The following BMP1 variants were observed in gnomAD, a reference collection of about 807,000 sequenced individuals.
BMP1 encodes the protein mammalian tolloid protein.
BMP1 carries 63 observed loss-of-function variants against 116.8 expected under a neutral mutation model. The observed-to-expected ratio is 0.54, with a 90% CI of 0.44 to 0.67. The LOEUF (loss-of-function observed/expected upper bound fraction) is 0.67. Among genes scored for constraint, BMP1 ranks in the 30% least tolerant of loss-of-function variants. BMP1 has a pLI of 0.00. For missense variants in BMP1, 1,183 were observed against 1,358.9 expected (o/e 0.87, Z 2.04); for synonymous variants, 536 against 533.4 (o/e 1.00, Z -0.07).
chr8:22,201,278 C>T, intron 15 of BMP1: 2 of 1,535,144 alleles, frequency 1.3e-6, no homozygotes, highest in South Asian at 2.6e-5. Context: ...GGCTTCGGTG[C>T]CCACCAACCC....
intron 16 of BMP1, among the ~76,000 whole-genome samples, chr8:22,202,230 G>A (rs1187536730): frequency 2.6e-5 from 4 of 152,154 alleles, no homozygotes; most frequent in Non-Finnish European, 5.9e-5. Context: ...ACTTCCTACC[G>A]GCACAGAGGC....
chr8:22,199,528 C>T (rs921606449), intron 15 of BMP1: 2 of 857,476 alleles, frequency 2.3e-6, no homozygotes, highest in Admixed American at 8.8e-5. Context: ...TCACTTTCCC[C>T]CACTCATTCA....
chr8:22,180,558 G>C, intron 8 of BMP1, 75 bp downstream of exon 8: 1 of 1,394,496 alleles, frequency 7.2e-7, no homozygotes, highest in Non-Finnish European at 1.0e-6. Context: ...TCCCACAGTG[G>C]GGGTCAATAT....
chr8:22,168,430 A>G (rs1828178851), intron 1 of BMP1, among the ~76,000 whole-genome samples: 3 of 152,240 alleles, frequency 2.0e-5, no homozygotes, highest in South Asian at 2.1e-4. Flanking sequence ...GACACAGTTG[A>G]TCCCAAAATC....
Position 22,209,470 on chromosome 8 carries a change from C to T in BMP1, c.2601C>T (p.Asp867=), listed in dbSNP as rs766155962. The change falls in exon 19 of 20, where the codon GAC becomes GAT. Residue 867 remains aspartate, a synonymous_variant. Coordinates refer to ENST00000306385, the MANE Select transcript of BMP1 (RefSeq NM_006129.5). ...ATECGGQVRA[D]VKTKDLYSHA... ...AGTGCGGGGGCCAGGTACGGGCAGACGTGAAGACCAAGGACCTTTACTCCC... is the reference window on the plus strand; with the variant it reads ...AGTGCGGGGGCCAGGTACGGGCAGATGTGAAGACCAAGGACCTTTACTCCC... 30 of 1,614,052 alleles carry T rather than the reference C, an allele frequency of 1.9e-5. No homozygotes were observed. In the Admixed American group the frequency reaches 2.5e-4, roughly 13 times the overall value.
intron 15 of BMP1, among the ~76,000 whole-genome samples, chr8:22,199,611 G>T (rs1488991952): frequency 6.6e-6 from 1 of 152,224 alleles, no homozygotes; most frequent in African/African-American, 2.4e-5. Context: ...CCAGGCACTG[G>T]ACTAGGTTTC....
chr8:22,192,561 C>T (rs115962857), intron 9 of BMP1, among the ~76,000 whole-genome samples: 2,130 of 152,264 alleles, frequency 0.014, 47 homozygotes, highest in African/African-American at 0.049. Flanking sequence ...TTTGAGTGCC[C>T]ACAGTGCAGC....
chr8:22,177,144 G>A lies in BMP1; in HGVS notation c.730+5G>A. 1 of 1,595,906 alleles carries A rather than the reference G, an allele frequency of 6.3e-7. No individual in the cohort carries two copies. The highest frequency in any genetic ancestry group is 1.1e-5 in the South Asian group (1 of 89,522). ...TTCGTGAGAACATCCAGCCAGGTAG[G>A]TACCTGCCCCTCGGTGCGGCCTTGG... is the stretch of plus-strand genomic sequence containing the variant. On this transcript the variant is annotated splice_donor_5th_base_variant and intron_variant, in intron 5 of 19. Coordinates refer to ENST00000306385, the MANE Select transcript of BMP1 (RefSeq NM_006129.5).
intron 8 of BMP1, among the ~76,000 whole-genome samples, chr8:22,182,752 A>G (rs1442859226): frequency 6.6e-6 from 1 of 152,210 alleles, no homozygotes; most frequent in Non-Finnish European, 1.5e-5. Context: ...AATTCCCAGA[A>G]TCCGCTCCTT....
At chr8:22,183,389 C>A (rs1828677883) in intron 8 of BMP1, among the ~76,000 whole-genome samples, 1 of 152,098 alleles carries the variant, frequency 6.6e-6, no homozygotes, top group East Asian at 1.9e-4. Flanking sequence ...ACACTCATGC[C>A]AGGGGGGCAG....
In BMP1 at chr8:22,211,608, G is replaced by A. The variant is rs1829462935; in HGVS notation, c.2841G>A (p.Val947=). 1.9e-6 allele frequency: 3 copies of A among 1,614,194 alleles called. No individual in the cohort carries two copies. The highest frequency in any genetic ancestry group is 2.5e-6 in the Non-Finnish European group (3 of 1,180,028). ...TTCTCTGCCAGCCTCCTGAGGAGGT[G>A]TACTCGGCGGGAGATTCTGTCCTGG... ...RYCGSGPPEE[V]YSAGDSVLVK... is the part of the protein sequence containing the mutation. The change falls in exon 20 of 20, where the codon GTG becomes GTA. Residue 947 remains valine, a synonymous_variant. Coordinates refer to ENST00000306385, the MANE Select transcript of BMP1 (RefSeq NM_006129.5).
At chr8:22,167,182 C>T (rs992232631) in intron 1 of BMP1, among the ~76,000 whole-genome samples, 1 of 152,194 alleles carries the variant, frequency 6.6e-6, no homozygotes, top group African/African-American at 2.4e-5. Flanking sequence ...CTGGTGTCTC[C>T]TTGTGCCTCT....
At chr8:22,206,768 G>C (rs986868937) in intron 16 of BMP1, 86 bp from the exon 17 acceptor site, 2 of 1,563,256 alleles carry the variant, frequency 1.3e-6, no homozygotes, top group African/African-American at 2.7e-5. Context: ...GAAAGGAGGG[G>C]GGGCAGGAGG....
chr8:22,201,705 C>G, intron 15 of BMP1, 98 bp from the exon 16 acceptor site: 1 of 1,553,482 alleles, frequency 6.4e-7, no homozygotes, highest in East Asian at 2.4e-5. Context: ...TGCTCTGTCC[C>G]GGTGGGAGAA....
intron 1 of BMP1, chr8:22,171,463 A>G (rs890106574): frequency 6.6e-6 from 1 of 152,182 alleles, no homozygotes. Context: ...ATAAGGTGTC[A>G]TTATCACGAC....
At chr8:22,193,936 G>A in intron 9 of BMP1, 122 bp from the exon 10 acceptor site, 3 of 781,420 alleles carry the variant, frequency 3.8e-6, no homozygotes, top group East Asian at 4.9e-5. Flanking sequence ...ACAGTCTTGG[G>A]AATGTGTGAA....
chr8:22,176,746 G>C, intron 4 of BMP1, 96 bp downstream of exon 4: 1 of 1,379,236 alleles, frequency 7.3e-7, no homozygotes. Context: ...GCACAGCCTT[G>C]GGTCCCTTTA....
rs748265090 is a variant in BMP1 at position 22,211,666 on chromosome 8, A to G, written c.2899A>G (p.Lys967Glu). Reference protein sequence around the residue: ...KFHSDDTITKKGFHLRYTSTK... With the variant: ...KFHSDDTITKEGFHLRYTSTK... ...CCACTCGGATGACACCATCACCAAAAAAGGTTTCCACCTGCGATACACCAG... is the reference window on the plus strand; with the variant it reads ...CCACTCGGATGACACCATCACCAAAGAAGGTTTCCACCTGCGATACACCAG... The change falls in exon 20 of 20, where the codon AAA (lysine) becomes GAA (glutamate). Residue 967 changes from lysine to glutamate, a missense_variant. Around this residue, in one of 4 missense-constraint regions of BMP1, gnomAD observed 956 missense variants for 1,135.2 expected, o/e 0.84. Transcript: ENST00000306385. 1 of 1,614,166 alleles carries G rather than the reference A, an allele frequency of 6.2e-7. No individual in the cohort carries two copies.
Position 22,176,262 on chromosome 8 carries a change from C to T in BMP1, c.382C>T (p.Arg128Cys). The T allele has an allele frequency of 6.2e-7, 1 of 1,612,696 alleles. No individual in the cohort carries two copies. The highest frequency in any genetic ancestry group is 1.7e-4 in the Middle Eastern group (1 of 6,042). ...GCGGGCGGCGACGTCCCGACCAGAGCGTGTGTGGCCCGATGGGGTCATCCC... is the reference window on the plus strand; with the variant it reads ...GCGGGCGGCGACGTCCCGACCAGAGTGTGTGTGGCCCGATGGGGTCATCCC... ...SRRAATSRPE[R>C]VWPDGVIPFV... Residue 128 changes from arginine (R) to cysteine (C), a missense_variant, in exon 3 of 20, where the codon CGT (arginine) becomes TGT (cysteine). Physicochemically the swap from Arg to Cys is radical, Grantham distance 180. Coordinates refer to ENST00000306385, the MANE Select transcript of BMP1 (RefSeq NM_006129.5).
Sources: allele counts gnomAD v4.1 joint callset (sites outside exome capture counted in the v4.1 genomes callset), GRCh38; gene constraint gnomAD v4.1.1; regional missense constraint gnomAD v4.1.1; transcripts MANE v1.5; gene names NCBI Gene and HGNC (gene_info 2026-07-23, HGNC 2026-07-21).